Variants in PTPRD observed in about 807,000 individuals in gnomAD.
PTPRD encodes receptor-type tyrosine-protein phosphatase delta.
A neutral mutation model predicts 214.5 loss-of-function variants in PTPRD; 34 were observed. That is an observed-to-expected ratio of 0.16 (90% confidence interval 0.12 to 0.21). The LOEUF (loss-of-function observed/expected upper bound fraction) is 0.21. PTPRD is among the 10% of genes least tolerant of loss of function. The probability of loss-of-function intolerance (pLI) is 1.00; values close to 1 mark genes in which losing one functional copy is unlikely to be tolerated. For missense variants in PTPRD, 2,545 were observed against 2,398.7 expected (o/e 1.06, Z -1.27); for synonymous variants, 1,128 against 845.7 (o/e 1.33, Z -5.79).
chr9:8,439,226 C>T (rs1027891314), intron 34 of PTPRD, among the ~76,000 whole-genome samples: 3 of 152,150 alleles, frequency 2.0e-5, no homozygotes, highest in Non-Finnish European at 2.9e-5. Context: ...ATGGGTTCTA[C>T]TTCTGGTTTT....
chr9:9,767,260 A>G (rs1355863997), intron 5 of PTPRD, among the ~76,000 whole-genome samples: 1 of 152,104 alleles, frequency 6.6e-6, no homozygotes, highest in African/African-American at 2.4e-5. Flanking sequence ...ATTTTATAAT[A>G]AAAGCATTAT....
At chr9:9,025,226 T>C (rs927381128) in intron 10 of PTPRD, among the ~76,000 whole-genome samples, 1 of 152,018 alleles carries the variant, frequency 6.6e-6, no homozygotes. Context: ...TAAGTTTTTC[T>C]TGACATTTTT....
intron 2 of PTPRD, among the ~76,000 whole-genome samples, chr9:10,611,613 C>A (rs1367601734): frequency 6.6e-6 from 1 of 152,096 alleles, no homozygotes; most frequent in African/African-American, 2.4e-5. Context: ...AGGAATACTG[C>A]CTGCAAAAGT....
At chr9:9,396,278 C>G (rs565664321) in intron 9 of PTPRD, among the ~76,000 whole-genome samples, 1 of 152,102 alleles carries the variant, frequency 6.6e-6, no homozygotes, top group East Asian at 1.9e-4. Context: ...TATTTATATA[C>G]TACCTTACTA....
chr9:8,373,892 AT>A (rs879396605), intron 39 of PTPRD, among the ~76,000 whole-genome samples: 12,519 of 129,338 alleles, frequency 0.097, 1,068 homozygotes, highest in African/African-American at 0.28. Flanking sequence ...CTATCTATCT[AT>A]CTATCTATCT....
chr9:8,638,417 C>A (rs2096494957), intron 12 of PTPRD, among the ~76,000 whole-genome samples: 1 of 152,008 alleles, frequency 6.6e-6, no homozygotes, highest in South Asian at 2.1e-4. Context: ...TCCACCAATA[C>A]ATATATGGAT....
chr9:9,952,193 A>C (rs2093517374), intron 4 of PTPRD, among the ~76,000 whole-genome samples: 1 of 152,188 alleles, frequency 6.6e-6, no homozygotes, highest in African/African-American at 2.4e-5. Context: ...CATTGGTGAA[A>C]GGAGAAATGG....
intron 44 of PTPRD, among the ~76,000 whole-genome samples, chr9:8,329,657 G>A (rs187677127): frequency 5.3e-5 from 8 of 152,248 alleles, no homozygotes; most frequent in Non-Finnish European, 1.2e-4. Context: ...TGAGATGGGG[G>A]TTTTATCTGT....
At chr9:8,627,231 A>G (rs2096072108) in intron 14 of PTPRD, among the ~76,000 whole-genome samples, 1 of 151,780 alleles carries the variant, frequency 6.6e-6, no homozygotes, top group African/African-American at 2.4e-5. Context: ...CCAGGACAAT[A>G]TCTTGTATAT....
At chr9:8,893,084 G>C (rs2098555700) in intron 11 of PTPRD, among the ~76,000 whole-genome samples, 1 of 152,084 alleles carries the variant, frequency 6.6e-6, no homozygotes, top group Admixed American at 6.6e-5. Flanking sequence ...GAACAGTTTA[G>C]ACATTTAATT....
intron 39 of PTPRD, among the ~76,000 whole-genome samples, chr9:8,359,614 G>C (rs967527694): frequency 6.6e-6 from 1 of 152,122 alleles, no homozygotes; most frequent in Non-Finnish European, 1.5e-5. Context: ...GATTATAGGC[G>C]TGAGCCACCC....
intron 11 of PTPRD, among the ~76,000 whole-genome samples, chr9:8,942,883 C>G (rs554154437): frequency 6.6e-6 from 1 of 151,930 alleles, no homozygotes; most frequent in Non-Finnish European, 1.5e-5. Context: ...CTTGGAGAAA[C>G]CTAAAGACTC....
chr9:9,819,781 G>C (rs1258729097), intron 5 of PTPRD, among the ~76,000 whole-genome samples: 1 of 152,090 alleles, frequency 6.6e-6, no homozygotes, highest in Non-Finnish European at 1.5e-5. Context: ...ATTTGCTTAG[G>C]ATAATGGCCT....
intron 2 of PTPRD, among the ~76,000 whole-genome samples, chr9:10,415,129 C>T (rs2098474895): frequency 6.6e-6 from 1 of 151,502 alleles, no homozygotes; most frequent in Non-Finnish European, 1.5e-5. Flanking sequence ...AAAACATAGC[C>T]TAAATACACC....
intron 10 of PTPRD, among the ~76,000 whole-genome samples, chr9:9,032,552 C>A (rs2099608974): frequency 6.6e-6 from 1 of 151,772 alleles, no homozygotes; most frequent in African/African-American, 2.4e-5. Flanking sequence ...GGACTGCAGG[C>A]AATGTTCTGT....
intron 3 of PTPRD, among the ~76,000 whole-genome samples, chr9:10,182,684 A>T (rs575201294): frequency 1.4e-3 from 211 of 152,332 alleles, no homozygotes; most frequent in African/African-American, 4.6e-3. Flanking sequence ...TTCACTTTAT[A>T]AACAGTAGTT....
intron 7 of PTPRD, among the ~76,000 whole-genome samples, chr9:9,576,049 A>G (rs932826680): frequency 6.6e-6 from 1 of 152,158 alleles, no homozygotes; most frequent in African/African-American, 2.4e-5. Flanking sequence ...GCTAATTGCT[A>G]TATAATTTAA....
intron 10 of PTPRD, among the ~76,000 whole-genome samples, chr9:9,130,922 T>C (rs2099841569): frequency 6.6e-6 from 1 of 152,226 alleles, no homozygotes. Context: ...TAATGGATCC[T>C]ATGACGAACC....
At chr9:9,320,847 T>C (rs1391658142) in intron 9 of PTPRD, among the ~76,000 whole-genome samples, 1 of 152,210 alleles carries the variant, frequency 6.6e-6, no homozygotes, top group African/African-American at 2.4e-5. Context: ...CAACTACTCA[T>C]ATTTTAATTT....
Sources: allele counts gnomAD v4.1 joint callset (sites outside exome capture counted in the v4.1 genomes callset), GRCh38; gene constraint gnomAD v4.1.1; transcripts MANE v1.5; gene names NCBI Gene and HGNC (gene_info 2026-07-23, HGNC 2026-07-21).